Variants in DMD observed in about 807,000 individuals in gnomAD.
DMD encodes the protein dystrophin.
DMD carries 63 observed loss-of-function variants against 330.1 expected under a neutral mutation model. The observed-to-expected ratio is 0.19, with a 90% CI of 0.16 to 0.24. The LOEUF (loss-of-function observed/expected upper bound fraction) is 0.24, where lower values mean the gene tolerates loss of function less well. Ranked by LOEUF, DMD falls within the 10% of genes least tolerant of loss-of-function variation. The probability of loss-of-function intolerance (pLI) is 1.00; values close to 1 mark genes in which losing one functional copy is unlikely to be tolerated. For synonymous variants in DMD, 1,223 were observed against 959.8 expected (o/e 1.27, Z -5.07); for missense variants, 3,344 against 2,684.1 (o/e 1.25, Z -5.43).
chrX:32,221,015 C>A (rs1019920957), intron 43 of DMD, among the ~76,000 whole-genome samples: 1 of 111,430 alleles, frequency 9.0e-6, no homozygotes, highest in East Asian at 2.8e-4. Flanking sequence ...AATTACACTG[C>A]TGCTTCATTT....
chrX:31,439,027 T>C lies in DMD; in HGVS notation c.9084+5454A>G, dbSNP rs970612680. On this transcript the variant is annotated intron_variant, in intron 60 of 78. Transcript: ENST00000357033. ...TATTGTTTAGCTAACTATGATCCCA[T>C]CACATCCTCTCACAAAGCTTACTAC... 2.7e-5 allele frequency among the ~76,000 whole-genome samples: 3 copies of C among 111,463 alleles called. No homozygotes were observed. In the South Asian group the frequency reaches 1.1e-3, roughly 42 times the overall value.
At chrX:32,678,020 A>G (rs2062090945) in intron 9 of DMD, among the ~76,000 whole-genome samples, 1 of 112,253 alleles carries the variant, frequency 8.9e-6, no homozygotes, top group East Asian at 2.8e-4. Context: ...CAAATACTTC[A>G]TGATTCTACT....
chrX:32,926,170 G>A (rs1248540095), intron 2 of DMD, among the ~76,000 whole-genome samples: 1 of 111,999 alleles, frequency 8.9e-6, no homozygotes, highest in African/African-American at 3.2e-5. Flanking sequence ...CCTGGAGGAA[G>A]TTTTGCTAAG....
At chrX:32,671,860 T>C (rs1293673927) in intron 9 of DMD, among the ~76,000 whole-genome samples, 1 of 111,971 alleles carries the variant, frequency 8.9e-6, no homozygotes, top group Non-Finnish European at 1.9e-5. Context: ...ATACTTTTTA[T>C]ATGCTTATGC....
intron 2 of DMD, among the ~76,000 whole-genome samples, chrX:32,864,219 T>C (rs1266082625): frequency 4.5e-5 from 5 of 112,283 alleles, no homozygotes; most frequent in Non-Finnish European, 7.5e-5. Context: ...TTTTTGTGGG[T>C]TGTTTTAATG....
At position 31,513,552 on chromosome X, in the gene DMD, GT is replaced by G. The variant is rs753165180; in HGVS notation, c.8218-6100del. On this transcript the variant is annotated intron_variant, in intron 55 of 78. Coordinates refer to ENST00000357033, the MANE Select transcript of DMD (RefSeq NM_004006.3). ...TAATTTTCATAGAAATTTTTGGATA[GT>G]TTTATTTCACTTCTGACTTAACTAG... 2.7e-5 allele frequency among the ~76,000 whole-genome samples: 3 copies of G among 111,833 alleles called. No individual in the cohort carries two copies. The East Asian group carries it at 8.4e-4, about 31-fold the overall frequency.
intron 78 of DMD, among the ~76,000 whole-genome samples, chrX:31,124,150 G>A (rs2033271301): frequency 8.9e-6 from 1 of 112,028 alleles, no homozygotes; most frequent in Non-Finnish European, 1.9e-5. Flanking sequence ...CCTTTAACCG[G>A]TTTACACTGC....
At chrX:33,131,471 C>A (rs776254588) in intron 1 of DMD, among the ~76,000 whole-genome samples, 91 of 111,337 alleles carry the variant, frequency 8.2e-4, no homozygotes, top group Non-Finnish European at 1.5e-3. Context: ...CATTATAAAC[C>A]CAGAGACCTA....
Position 32,825,583 on chromosome X carries a change from A to G in DMD, c.265-2196T>C, listed in dbSNP as rs768031561. On this transcript the variant is annotated intron_variant, in intron 4 of 78. Transcript: ENST00000357033. ...ATATTGGTAGACCAATTATCATAGT[A>G]ACATTATTCACAATAGCCAAAATGT... Among the ~76,000 whole-genome samples the G allele has an allele frequency of 3.6e-5, 4 of 112,354 alleles. No homozygotes were observed. In the South Asian group the frequency reaches 1.5e-3, roughly 42 times the overall value.
intron 60 of DMD, among the ~76,000 whole-genome samples, chrX:31,408,445 G>A (rs2061496908): frequency 9.3e-6 from 1 of 108,075 alleles, no homozygotes; most frequent in Admixed American, 1.0e-4. Flanking sequence ...TTGCTTTGTT[G>A]CCCACATTAG....
intron 16 of DMD, among the ~76,000 whole-genome samples, chrX:32,546,026 C>T (rs1024630037): frequency 9.3e-6 from 1 of 107,750 alleles, no homozygotes; most frequent in African/African-American, 3.4e-5. Context: ...ACTGGAGACA[C>T]TTCTTGGTTT....
chrX:32,280,148 A>ATATATATATACAG (rs1569555731), intron 43 of DMD, among the ~76,000 whole-genome samples: 1 of 18,564 alleles, frequency 5.4e-5, no homozygotes, highest in African/African-American at 3.2e-4. Flanking sequence ...TATACAGTAT[A>ATATATATATACAG]TATATATATA....
chrX:32,730,275 T>G (rs1010941318), intron 7 of DMD, among the ~76,000 whole-genome samples: 2 of 112,099 alleles, frequency 1.8e-5, no homozygotes, highest in African/African-American at 6.5e-5. Flanking sequence ...GACTCAGGAG[T>G]TGGAGGCCTG....
intron 43 of DMD, among the ~76,000 whole-genome samples, chrX:32,248,178 C>A (rs1376783359): frequency 9.0e-6 from 1 of 111,360 alleles, no homozygotes; most frequent in Non-Finnish European, 1.9e-5. Context: ...CCCAAACCTG[C>A]CAGTCCTTCA....
intron 7 of DMD, among the ~76,000 whole-genome samples, chrX:32,775,872 G>C (rs182232043): frequency 2.7e-5 from 3 of 112,551 alleles, no homozygotes; most frequent in Admixed American, 9.4e-5. Context: ...CTTTTCTGCC[G>C]CATGGACAGG....
chrX:32,801,406 A>G (rs1308837911), intron 7 of DMD, among the ~76,000 whole-genome samples: 1 of 111,443 alleles, frequency 9.0e-6, no homozygotes, highest in African/African-American at 3.3e-5. Context: ...TAGATTCTGG[A>G]TATTAGCCCT....
intron 9 of DMD, among the ~76,000 whole-genome samples, chrX:32,685,976 T>C (rs952776034): frequency 3.6e-5 from 4 of 111,726 alleles, no homozygotes; most frequent in Non-Finnish European, 7.5e-5. Flanking sequence ...ATTAATATTT[T>C]TCTTTACATT....
intron 48 of DMD, among the ~76,000 whole-genome samples, chrX:31,858,422 TC>T (rs2093651149): frequency 9.0e-6 from 1 of 111,050 alleles, no homozygotes; most frequent in Admixed American, 9.6e-5. Flanking sequence ...GAGACATGCA[TC>T]TTTAAATTAT....
chrX:33,075,632 T>C (rs764598878), intron 1 of DMD, among the ~76,000 whole-genome samples: 1 of 112,444 alleles, frequency 8.9e-6, no homozygotes, highest in African/African-American at 3.2e-5. Context: ...ATTAATACCG[T>C]ATTGGGATAT....
Sources: allele counts gnomAD v4.1 joint callset (sites outside exome capture counted in the v4.1 genomes callset), GRCh38; gene constraint gnomAD v4.1.1; transcripts MANE v1.5; gene names NCBI Gene and HGNC (gene_info 2026-07-23, HGNC 2026-07-21).